RNF128: variants seen among roughly 807,000 people sequenced by gnomAD.
RNF128 encodes the protein E3 ubiquitin-protein ligase RNF128.
RNF128 carries 13 observed loss-of-function variants against 26.2 expected under a neutral mutation model. The ratio of observed to expected loss-of-function variants is 0.50; its 90% CI spans 0.32 to 0.79. RNF128 has a LOEUF of 0.79. RNF128 is among the 30% of genes least tolerant of loss of function. RNF128 has a pLI of 0.03. For synonymous variants in RNF128, 149 were observed against 142.5 expected (o/e 1.05, Z -0.32); for missense variants, 315 against 349.7 (o/e 0.90, Z 0.79).
At chrX:106,752,113 C>T (rs1929903101) in intron 1 of RNF128, among the ~76,000 whole-genome samples, 1 of 111,531 alleles carries the variant, frequency 9.0e-6, no homozygotes. Flanking sequence ...CTAGACCCAC[C>T]CTGGGCCAGA....
chrX:106,792,987 G>A (rs183540078), intron 6 of RNF128, among the ~76,000 whole-genome samples: 23 of 111,788 alleles, frequency 2.1e-4, no homozygotes, highest in African/African-American at 7.5e-4. Flanking sequence ...TAGTTGATTT[G>A]CATAACTTTG....
chrX:106,768,833 G>C (rs1481016903), intron 1 of RNF128, among the ~76,000 whole-genome samples: 1 of 111,754 alleles, frequency 8.9e-6, no homozygotes, highest in Non-Finnish European at 1.9e-5. Context: ...GATCTTTCCT[G>C]CTTTCTCTTG....
At chrX:106,754,828 C>A (rs1422729722) in intron 1 of RNF128, among the ~76,000 whole-genome samples, 1 of 110,178 alleles carries the variant, frequency 9.1e-6, no homozygotes, top group Non-Finnish European at 1.9e-5. Flanking sequence ...GTGCCTACAT[C>A]AAAAATGTAG....
Position 106,727,109 on chromosome X carries a change from A to G in RNF128, c.196A>G (p.Ser66Gly). The G allele has an allele frequency of 8.3e-7, 1 of 1,205,926 alleles. No homozygotes were observed. Among genetic ancestry groups the G allele is most frequent in the Non-Finnish European group, 1.1e-6 (1 of 893,220 alleles). Residue 66 changes from serine (S) to glycine (G), a missense_variant, in exon 1 of 7, where the codon AGC becomes GGC. Coordinates refer to ENST00000255499, the MANE Select transcript of RNF128 (RefSeq NM_194463.2). ...AGTGAACCGTACGGTGTGGGAGCTG[A>G]GCGAGGAGGGCGTGTACGGCCAGGA... The part of the protein sequence containing the change: ...TGVNRTVWEL[S>G]EEGVYGQDSP...
chrX:106,698,315 T>C (rs1333001783), intron 1 of RNF128, among the ~76,000 whole-genome samples: 3 of 110,489 alleles, frequency 2.7e-5, no homozygotes, highest in African/African-American at 9.9e-5. Context: ...CGTTTTATCA[T>C]TTCAGCTGTG....
chrX:106,694,245 C>A (rs775236799), exon 1 of RNF128: 1 of 1,208,831 alleles, frequency 8.3e-7, no homozygotes, highest in East Asian at 3.0e-5. Flanking sequence ...GTGACCACAA[C>A]ACTGAGTTTA....
At chrX:106,772,880 C>A in intron 1 of RNF128, 33 bp from the exon 2 acceptor site, 1 of 1,184,020 alleles carries the variant, frequency 8.4e-7, no homozygotes, top group Non-Finnish European at 1.1e-6. Flanking sequence ...GAATGTTTCA[C>A]CAAACTAAAA....
upstream of RNF128, among the ~76,000 whole-genome samples, chrX:106,725,030 A>G (rs1929370763): frequency 8.9e-6 from 1 of 112,305 alleles, no homozygotes; most frequent in Admixed American, 9.4e-5. Context: ...CTTTCTTCTG[A>G]ACACATTGTT....
intron 1 of RNF128, among the ~76,000 whole-genome samples, chrX:106,719,105 G>T (rs1929267550): frequency 8.9e-6 from 1 of 111,982 alleles, no homozygotes; most frequent in Admixed American, 9.4e-5. Flanking sequence ...ACAGTAGAAG[G>T]ACGTTTATTC....
intron 1 of RNF128, among the ~76,000 whole-genome samples, chrX:106,728,786 C>A (rs1012607783): frequency 4.5e-5 from 5 of 111,496 alleles, no homozygotes; most frequent in African/African-American, 1.6e-4. Flanking sequence ...GCAGTGGAGG[C>A]CAAGTTAGAA....
At chrX:106,770,796 C>A (rs971140026) in intron 1 of RNF128, among the ~76,000 whole-genome samples, 1 of 112,049 alleles carries the variant, frequency 8.9e-6, no homozygotes, top group Admixed American at 9.5e-5. Context: ...CTGTTGCTGG[C>A]GAGGAGCTGC....
At chrX:106,746,817 A>G (rs896475236) in intron 1 of RNF128, among the ~76,000 whole-genome samples, 4 of 111,488 alleles carry the variant, frequency 3.6e-5, no homozygotes, top group Non-Finnish European at 7.6e-5. Flanking sequence ...TTCTCCTAAG[A>G]TACTTTAGAT....
exon 1 of RNF128, chrX:106,693,934 TG>T: frequency 1.0e-6 from 1 of 992,036 alleles, no homozygotes. Flanking sequence ...GGGACGTGAG[TG>T]GACAATGGTG....
chrX:106,788,393 A>C (rs1602392822), intron 4 of RNF128, among the ~76,000 whole-genome samples: 1 of 43,225 alleles, frequency 2.3e-5, no homozygotes, highest in Non-Finnish European at 3.4e-5. Context: ...TATATAATAT[A>C]TATTATATAT....
intron 1 of RNF128, among the ~76,000 whole-genome samples, chrX:106,759,197 T>C (rs1182643656): frequency 9.0e-6 from 1 of 111,654 alleles, no homozygotes; most frequent in Non-Finnish European, 1.9e-5. Flanking sequence ...TCAACATAAT[T>C]GATCATCAGA....
At chrX:106,745,682 A>C (rs1929783397) in intron 1 of RNF128, among the ~76,000 whole-genome samples, 1 of 111,807 alleles carries the variant, frequency 8.9e-6, no homozygotes, top group Admixed American at 9.5e-5. Context: ...CACTGATAGT[A>C]AATACATATA....
intron 2 of RNF128, among the ~76,000 whole-genome samples, chrX:106,784,572 A>G: frequency 8.9e-6 from 1 of 111,831 alleles, no homozygotes; most frequent in Non-Finnish European, 1.9e-5. Flanking sequence ...TTTTATAGAT[A>G]AGTAAACAAG....
At chrX:106,763,511 T>C (rs1930154195) in intron 1 of RNF128, among the ~76,000 whole-genome samples, 1 of 112,561 alleles carries the variant, frequency 8.9e-6, no homozygotes, top group Admixed American at 9.3e-5. Context: ...AATTCAGGGT[T>C]TTTTGTTTTC....
chrX:106,714,354 A>T (rs1929179073), intron 1 of RNF128, among the ~76,000 whole-genome samples: 1 of 111,611 alleles, frequency 9.0e-6, no homozygotes, highest in Non-Finnish European at 1.9e-5. Context: ...ACAATTCTAC[A>T]ATCAACATGT....
Sources: gnomAD v4.1 joint callset for allele counts (sites outside exome capture counted in the v4.1 genomes callset) on GRCh38, gnomAD v4.1.1 for gene constraint, MANE v1.5 for transcripts, NCBI Gene and HGNC (gene_info 2026-07-23, HGNC 2026-07-21) for gene names.